Variants in PTCHD4 observed in about 807,000 individuals in gnomAD.
PTCHD4 encodes patched domain-containing protein 4.
Under a neutral mutation model 58.1 loss-of-function variants are expected in PTCHD4, and 33 were observed. The ratio of observed to expected loss-of-function variants is 0.57; its 90% CI spans 0.43 to 0.76. The LOEUF is 0.76. PTCHD4 is among the 30% of genes least tolerant of loss of function. PTCHD4 has a pLI of 0.00. For missense variants in PTCHD4, 1,058 were observed against 1,027.1 expected, an observed-to-expected ratio of 1.03 and a Z score of -0.41; for synonymous variants, 478 against 409.6, an observed-to-expected ratio of 1.17 and a Z score of -2.02.
chr6:47,894,079 G>C (rs1458162550), intron 4 of PTCHD4, among the ~76,000 whole-genome samples: 2 of 152,182 alleles, frequency 1.3e-5, no homozygotes, highest in Non-Finnish European at 2.9e-5. Flanking sequence ...TGGGCAGCCA[G>C]CTGAGTTCTA....
At chr6:47,969,337 C>G (rs1356209983) in intron 4 of PTCHD4, among the ~76,000 whole-genome samples, 2 of 152,232 alleles carry the variant, frequency 1.3e-5, no homozygotes, top group Non-Finnish European at 1.5e-5. Context: ...ATCAAGCGTG[C>G]ATTTACTTGT....
intron 3 of PTCHD4, among the ~76,000 whole-genome samples, chr6:48,037,642 T>C (rs1376572790): frequency 6.6e-6 from 1 of 151,970 alleles, no homozygotes; most frequent in Non-Finnish European, 1.5e-5. Flanking sequence ...ATGTAACTCA[T>C]AACAGAAAAA....
At chr6:47,881,683 T>C (rs1014530594) in intron 4 of PTCHD4, among the ~76,000 whole-genome samples, 2 of 152,186 alleles carry the variant, frequency 1.3e-5, no homozygotes, top group African/African-American at 4.8e-5. Context: ...TTAATTTGAC[T>C]ATAGTATTTA....
intron 1 of PTCHD4, among the ~76,000 whole-genome samples, chr6:48,078,007 A>G (rs908017343): frequency 2.6e-5 from 4 of 152,224 alleles, no homozygotes; most frequent in Non-Finnish European, 5.9e-5. Flanking sequence ...AACTCGTTCA[A>G]TGCAGGGTTC....
In PTCHD4 at chr6:48,055,025, C is replaced by G. The variant is rs556694506; in HGVS notation, c.417+13205G>C. 1.8e-4 allele frequency among the ~76,000 whole-genome samples: 28 copies of G among 152,262 alleles called. No homozygotes were observed. In the South Asian group the frequency reaches 5.6e-3, roughly 30 times the overall value. Reference sequence around the variant, plus strand: ...GTTAAGTGTCACATCCAAAGTCATACAGCAAGTAAGTGGAGATATTTGATT... The same window carrying G: ...GTTAAGTGTCACATCCAAAGTCATAGAGCAAGTAAGTGGAGATATTTGATT... On this transcript the variant is annotated intron_variant, in intron 3 of 4. Coordinates refer to ENST00000339488, the MANE Select transcript of PTCHD4 (RefSeq NM_001384253.1).
At chr6:48,094,403 G>T (rs1765422426) in intron 1 of PTCHD4, among the ~76,000 whole-genome samples, 1 of 152,132 alleles carries the variant, frequency 6.6e-6, no homozygotes, top group Admixed American at 6.5e-5. Flanking sequence ...TGATAGATAA[G>T]GGGAAGAAAG....
chr6:47,943,408 A>G (rs1766304852), intron 4 of PTCHD4, among the ~76,000 whole-genome samples: 1 of 152,158 alleles, frequency 6.6e-6, no homozygotes, highest in Non-Finnish European at 1.5e-5. Flanking sequence ...AATACCTACT[A>G]GGGATTGGCA....
At chr6:47,966,463 T>G (rs183885013) in intron 4 of PTCHD4, among the ~76,000 whole-genome samples, 4 of 152,262 alleles carry the variant, frequency 2.6e-5, no homozygotes, top group Admixed American at 6.5e-5. Flanking sequence ...ATCAGCTTGG[T>G]GGTTGTGGAA....
Position 48,035,400 on chromosome 6 carries a change from C to G in PTCHD4, c.418-26286G>C, listed in dbSNP as rs1295648147. Among the ~76,000 whole-genome samples, 11 of 152,224 alleles carry G rather than the reference C, an allele frequency of 7.2e-5. No homozygotes were observed. The South Asian group carries it at 2.1e-3, about 29-fold the overall frequency. ...CCAACAGCCTCAACTCACCTGAGAACTTGGTAGAACTGCCAGTTCTCTGAA... is the reference window on the plus strand; with the variant it reads ...CCAACAGCCTCAACTCACCTGAGAAGTTGGTAGAACTGCCAGTTCTCTGAA... On this transcript the variant is annotated intron_variant, in intron 3 of 4. Coordinates refer to ENST00000339488, the MANE Select transcript of PTCHD4 (RefSeq NM_001384253.1).
chr6:47,973,868 CAATT>C (rs981484566), intron 4 of PTCHD4, among the ~76,000 whole-genome samples: 3 of 152,278 alleles, frequency 2.0e-5, no homozygotes, highest in African/African-American at 7.2e-5. Flanking sequence ...CATTATTAAT[CAATT>C]ACTTTGGGTT....
At chr6:48,030,362 C>T (rs751481603) in intron 3 of PTCHD4, among the ~76,000 whole-genome samples, 9 of 152,052 alleles carry the variant, frequency 5.9e-5, no homozygotes, top group Non-Finnish European at 1.3e-4. Flanking sequence ...TATCTTTAAG[C>T]TTTTGTTATT....
At chr6:47,900,435 T>C (rs141826270) in intron 4 of PTCHD4, 4 of 152,340 alleles carry the variant, frequency 2.6e-5, no homozygotes, top group African/African-American at 9.6e-5. Context: ...TAAATGTCTA[T>C]TCGAATCTTC....
At chr6:48,075,480 C>CTAAACT (rs1765046896) in intron 1 of PTCHD4, among the ~76,000 whole-genome samples, 1 of 144,760 alleles carries the variant, frequency 6.9e-6, no homozygotes, top group Non-Finnish European at 1.5e-5. Flanking sequence ...AATCACTTAA[C>CTAAACT]TGCTTAACCA....
chr6:47,890,971 G>C (rs1159993331), intron 4 of PTCHD4: 21 of 764,062 alleles, frequency 2.7e-5, no homozygotes, highest in Non-Finnish European at 3.3e-5. Context: ...ACTTTGGGGG[G>C]CTGAGGCTGG....
chr6:47,879,728 A>G lies in PTCHD4; in HGVS notation c.1107T>C (p.Cys369=), dbSNP rs1210332346. The G allele has an allele frequency of 6.2e-7, 1 of 1,613,572 alleles. No homozygotes were observed. Among genetic ancestry groups the G allele is most frequent in the African/African-American group, 1.3e-5 (1 of 74,894 alleles). The change falls in exon 5 of 5, where the codon TGT becomes TGC. Residue 369 remains cysteine (C), a synonymous_variant. Transcript: ENST00000339488. ...AGAAGTAGTTCAACAGAATAGAGAC[A>G]CACATGTTTTGACAGAAGACCTTCA... ...EAVKVFCQNM[C]VSILLNYFYI... is the part of the protein sequence containing the mutation.
intron 4 of PTCHD4, among the ~76,000 whole-genome samples, chr6:47,946,547 T>C (rs929027685): frequency 2.0e-5 from 3 of 152,168 alleles, no homozygotes; most frequent in Admixed American, 6.5e-5. Flanking sequence ...TATTTTTCTA[T>C]TAGTTTACAT....
rs186507680 is a variant in PTCHD4, at chr6:47,889,569, T to C, written c.899-9633A>G. On this transcript the variant is annotated intron_variant, in intron 4 of 4. Coordinates refer to ENST00000339488, the MANE Select transcript of PTCHD4 (RefSeq NM_001384253.1). ...CTGGATATTATCTACAACTATCTGA[T>C]CTTTGACAAACCTGAGAAAAACAAG... 1.7e-3 allele frequency among the ~76,000 whole-genome samples: 260 copies of C among 152,242 alleles called. 2 individuals carry two copies. The highest frequency in any genetic ancestry group is 5.8e-3 in the African/African-American group (243 of 41,540).
intron 3 of PTCHD4, among the ~76,000 whole-genome samples, chr6:48,021,457 A>G (rs1763069145): frequency 6.6e-6 from 1 of 152,252 alleles, no homozygotes; most frequent in East Asian, 1.9e-4. Context: ...GGCCCACATA[A>G]GGTTCTTTTT....
intron 4 of PTCHD4, among the ~76,000 whole-genome samples, chr6:47,956,361 A>G (rs1766860296): frequency 6.6e-6 from 1 of 152,246 alleles, no homozygotes; most frequent in African/African-American, 2.4e-5. Context: ...GCACAGAGAT[A>G]TAACTTGCTC....
Sources: allele counts gnomAD v4.1 joint callset (sites outside exome capture counted in the v4.1 genomes callset), GRCh38; gene constraint gnomAD v4.1.1; transcripts MANE v1.5; gene names NCBI Gene and HGNC (gene_info 2026-07-23, HGNC 2026-07-21).